The following B4GALNT3 variants were observed in gnomAD, a reference collection of about 807,000 sequenced individuals.
B4GALNT3 encodes beta-1,4-N-acetyl-galactosaminyltransferase 3, also known as beta-1,4-N-acetylgalactosaminyltransferase 3.
B4GALNT3 carries 86 observed loss-of-function variants against 120.2 expected under a neutral mutation model. That is an observed-to-expected ratio of 0.72 (90% CI 0.60 to 0.86). The LOEUF (loss-of-function observed/expected upper bound fraction) is 0.86, where lower values mean the gene tolerates loss of function less well. B4GALNT3 is among the 40% of genes least tolerant of loss of function. The probability of loss-of-function intolerance (pLI) is 0.00; values close to 1 mark genes in which losing one functional copy is unlikely to be tolerated. For synonymous variants in B4GALNT3, 518 were observed against 510.4 expected (o/e 1.01, Z -0.20); for missense variants, 1,167 against 1,298.9 (o/e 0.90, Z 1.56).
intron 1 of B4GALNT3, among the ~76,000 whole-genome samples, chr12:519,651 G>A (rs531024428): frequency 6.9e-6 from 1 of 144,490 alleles, no homozygotes; most frequent in African/African-American, 2.6e-5. Flanking sequence ...ATCCCAAGCA[G>A]TTTTTATCAG....
At chr12:547,294 TAAC>T (rs1448884159) in intron 7 of B4GALNT3, among the ~76,000 whole-genome samples, 1 of 152,150 alleles carries the variant, frequency 6.6e-6, no homozygotes, top group Non-Finnish European at 1.5e-5. Context: ...GTGACTGTAG[TAAC>T]AACAATGGAT....
chr12:512,207 A>G (rs1370684011), intron 1 of B4GALNT3, among the ~76,000 whole-genome samples: 62 of 47,752 alleles, frequency 1.3e-3, no homozygotes, highest in South Asian at 1.7e-3. Flanking sequence ...TCCACCTTCC[A>G]CCTTCCACCT....
chr12:496,532 G>A (rs1313369810), intron 1 of B4GALNT3, among the ~76,000 whole-genome samples: 1 of 152,032 alleles, frequency 6.6e-6, no homozygotes, highest in African/African-American at 2.4e-5. Flanking sequence ...CCTGGGAGGC[G>A]GAGGTTGCAG....
At chr12:519,674 G>A (rs1361146828) in intron 1 of B4GALNT3, among the ~76,000 whole-genome samples, 1 of 149,172 alleles carries the variant, frequency 6.7e-6, no homozygotes, top group Non-Finnish European at 1.5e-5. Context: ...CATCTTCTGA[G>A]ATATCCTTGA....
Position 548,130 on chromosome 12 carries a change from C to A in B4GALNT3, c.786+28C>A. 6.2e-7 allele frequency: 1 copy of A among 1,611,874 alleles called. No homozygotes were observed. Among genetic ancestry groups the A allele is most frequent in the Non-Finnish European group, 8.5e-7 (1 of 1,178,000 alleles). On this transcript the variant is annotated intron_variant, in intron 8 of 19. Transcript: ENST00000266383. This position sits in a 1 kb window ranked among gnomAD's most constrained non-coding sequence, Gnocchi z 4.9. ...GAGTTTCCTGCTGCTCCCGCCTCTC[C>A]CAGCTCAGTTCCTGGCACTCATCTC...
chr12:546,773 C>A (rs1044516765), intron 7 of B4GALNT3, 60 bp downstream of exon 7: 1 of 1,464,144 alleles, frequency 6.8e-7, no homozygotes, highest in East Asian at 2.5e-5. Flanking sequence ...AGCCCGGCTG[C>A]GCCCCTGTCC....
intron 11 of B4GALNT3, 104 bp downstream of exon 11, chr12:551,135 C>A (rs1267186445): frequency 5.0e-6 from 5 of 994,954 alleles, no homozygotes; most frequent in Non-Finnish European, 7.6e-6. Context: ...TTCCCAACAT[C>A]CCATCCCAGC....
At chr12:489,377 TAGAA>T (rs749913651) in intron 1 of B4GALNT3, among the ~76,000 whole-genome samples, 13 of 127,470 alleles carry the variant, frequency 1.0e-4, no homozygotes, top group Non-Finnish European at 1.5e-4. Flanking sequence ...AAGACAAAAA[TAGAA>T]AGAGAGCGTA....
At chr12:519,940 C>T (rs1439489867) in intron 1 of B4GALNT3, among the ~76,000 whole-genome samples, 1 of 152,224 alleles carries the variant, frequency 6.6e-6, no homozygotes, top group Admixed American at 6.5e-5. Flanking sequence ...TCTCAGCTTT[C>T]TACCCTCTTG....
intron 1 of B4GALNT3, among the ~76,000 whole-genome samples, chr12:512,323 A>C (rs1445745698): frequency 8.1e-5 from 6 of 73,896 alleles, no homozygotes; most frequent in African/African-American, 2.6e-4. Context: ...TCCACCTTCC[A>C]CCTTCCACCT....
rs11063606 is a variant in B4GALNT3 at position 562,931 on chromosome 12, G to A, written c.*1480G>A. 9,321 of 152,346 alleles carry A rather than the reference G, an allele frequency of 0.061. 347 individuals carry two copies. Among genetic ancestry groups the A allele is most frequent in the East Asian group, 0.18 (922 of 5,176 alleles). 9.4% of individuals were successfully genotyped at this position (152,346 alleles called of 1,614,324 possible). A position where few individuals can be genotyped will look rare whatever the true frequency, so the allele number is the denominator to read the frequency against. ...TCCAGGCTGTGACGGTCCAAACCAC[G>A]GCACTGGAGCTGCAGGGTCTGCCTA... On this transcript the variant is annotated 3_prime_UTR_variant, in exon 20 of 20. Coordinates refer to ENST00000266383, the MANE Select transcript of B4GALNT3 (RefSeq NM_173593.4). This position sits in a 1 kb window ranked among gnomAD's most constrained non-coding sequence, Gnocchi z 5.2.
At chr12:538,479 A>C (rs1025800252) in intron 3 of B4GALNT3, among the ~76,000 whole-genome samples, 3 of 143,684 alleles carry the variant, frequency 2.1e-5, no homozygotes, top group African/African-American at 7.7e-5. Flanking sequence ...GGATTGCTTG[A>C]GTGTAGGCAG....
chr12:548,894 C>T lies in B4GALNT3; in HGVS notation c.853+597C>T, dbSNP rs937822575. On this transcript the variant is annotated intron_variant, in intron 9 of 19. Transcript: ENST00000266383. The surrounding 1 kb of genome is among the most constrained non-coding windows in gnomAD (Gnocchi z 4.9). ...CTCCAGCCTGGGCAACAGAGCAAGA[C>T]GCTGCCTCAAAAGCAAAACAAAACA... is the stretch of plus-strand genomic sequence containing the variant. 1.3e-5 allele frequency among the ~76,000 whole-genome samples: 2 copies of T among 150,194 alleles called. No homozygotes were observed. The highest frequency in any genetic ancestry group is 3.0e-5 in the Non-Finnish European group (2 of 67,166).
rs777590931 is a variant in B4GALNT3, at chr12:544,894, C to G, written c.460C>G (p.Leu154Val). Residue 154 changes from leucine (L) to valine (V), a missense_variant, in exon 5 of 20, where the codon CTG becomes GTG. Transcript: ENST00000266383. ...FPLYPHIRTT[L>V]RKLAVSPKWT... ...TTTCTTGGCATAGATTCGCACAACCCTGAGGAAGCTTGCTGTGTCCCCCAA... is the reference window on the plus strand; with the variant it reads ...TTTCTTGGCATAGATTCGCACAACCGTGAGGAAGCTTGCTGTGTCCCCCAA... 5.6e-6 allele frequency: 9 copies of G among 1,613,878 alleles called. No homozygotes were observed. Among genetic ancestry groups the G allele is most frequent in the Non-Finnish European group, 7.6e-6 (9 of 1,179,966 alleles).
chr12:471,171 G>A (rs113165656), intron 1 of B4GALNT3, among the ~76,000 whole-genome samples: 2,228 of 147,018 alleles, frequency 0.015, 54 homozygotes, highest in African/African-American at 0.053. Context: ...GGCAGAGTTC[G>A]AGGTCAGGAG....
At chr12:469,446 T>C (rs752896358) in intron 1 of B4GALNT3, among the ~76,000 whole-genome samples, 26 of 152,146 alleles carry the variant, frequency 1.7e-4, no homozygotes, top group Non-Finnish European at 3.2e-4. Context: ...CAACTGGCCC[T>C]TTTTCCAGTG....
chr12:552,651 C>T, intron 13 of B4GALNT3, 123 bp downstream of exon 13: 1 of 880,202 alleles, frequency 1.1e-6, no homozygotes, highest in Non-Finnish European at 1.8e-6. Context: ...ATCACGTGAC[C>T]TCTCCCTTCA....
rs780950885 is a variant in B4GALNT3, at chr12:553,398, A to G, written c.1475A>G (p.Lys492Arg). ...GAGGGCCTGCTGGCCCCCTTCTCCA[A>G]GCGGAACTCCACAGCGTCCTTCCCA... ...PREGLLAPFS[K>R]RNSTASFPGR... The change falls in exon 14 of 20, where the codon AAG becomes AGG. Residue 492 changes from lysine to arginine, a missense_variant. Lys to Arg is a conservative substitution (Grantham distance 26). Coordinates refer to ENST00000266383, the MANE Select transcript of B4GALNT3 (RefSeq NM_173593.4). The G allele has an allele frequency of 1.9e-6, 3 of 1,613,856 alleles. No homozygotes were observed. Among genetic ancestry groups the G allele is most frequent in the South Asian group, 2.2e-5 (2 of 91,086 alleles).
intron 1 of B4GALNT3, among the ~76,000 whole-genome samples, chr12:499,044 G>T (rs1286788402): frequency 6.6e-6 from 1 of 152,194 alleles, no homozygotes; most frequent in Admixed American, 6.5e-5. Flanking sequence ...ATCTGGTGGG[G>T]TATTCTAGAG....
Sources: gnomAD v4.1 joint callset for allele counts (sites outside exome capture counted in the v4.1 genomes callset) on GRCh38, gnomAD v4.1.1 for gene constraint, Gnocchi (gnomAD v3.1) non-coding constraint, MANE v1.5 for transcripts, NCBI Gene and HGNC (gene_info 2026-07-23, HGNC 2026-07-21) for gene names.